The following TASP1 variants were observed in gnomAD, a reference collection of about 807,000 sequenced individuals.
TASP1 encodes taspase 1.
TASP1 carries 16 observed loss-of-function variants against 56.6 expected under a neutral mutation model. The ratio of observed to expected loss-of-function variants is 0.28; its 90% CI spans 0.19 to 0.43. The LOEUF is 0.43. TASP1 is among the 20% of genes least tolerant of loss of function. TASP1 has a pLI of 1.00. For missense variants in TASP1, 393 were observed against 511.6 expected (o/e 0.77, Z 2.24); for synonymous variants, 179 against 184.2 (o/e 0.97, Z 0.23).
At chr20:13,424,884 T>C (rs745604215) in intron 12 of TASP1, among the ~76,000 whole-genome samples, 1 of 152,150 alleles carries the variant, frequency 6.6e-6, no homozygotes, top group Non-Finnish European at 1.5e-5. Context: ...CACAGAGATT[T>C]GGCACAATTC....
chr20:13,230,365 T>A, the TASP1 span, among the ~76,000 whole-genome samples: 1 of 152,208 alleles, frequency 6.6e-6, no homozygotes, highest in Non-Finnish European at 1.5e-5. Context: ...CCTGTAGAAC[T>A]TGAAGATTAT....
chr20:13,364,810 G>A, the TASP1 span, among the ~76,000 whole-genome samples: 2 of 152,206 alleles, frequency 1.3e-5, no homozygotes, highest in Non-Finnish European at 2.9e-5. Context: ...CCCTTTCTAA[G>A]TAAGTGTATT....
chr20:13,594,130 G>A (rs990881693), intron 4 of TASP1, among the ~76,000 whole-genome samples: 1 of 152,170 alleles, frequency 6.6e-6, no homozygotes, highest in African/African-American at 2.4e-5. Context: ...CTGCAGCTGA[G>A]GGACATGACT....
intron 4 of TASP1, among the ~76,000 whole-genome samples, chr20:13,607,286 A>C (rs1367794317): frequency 6.6e-6 from 1 of 152,170 alleles, no homozygotes; most frequent in Non-Finnish European, 1.5e-5. Flanking sequence ...CGACATGGAA[A>C]CCCTTTCCTA....
chr20:13,284,459 G>A, the TASP1 span, among the ~76,000 whole-genome samples: 3 of 152,192 alleles, frequency 2.0e-5, no homozygotes, highest in Non-Finnish European at 4.4e-5. Context: ...TCCTGCCGTT[G>A]TCATTATCTT....
At chr20:13,126,527 T>C in the TASP1 span, 13 of 1,587,260 alleles carry the variant, frequency 8.2e-6, no homozygotes, top group Admixed American at 3.4e-5. Context: ...GGACTAGATG[T>C]AATTCCCACC....
chr20:13,365,943 G>A, the TASP1 span, among the ~76,000 whole-genome samples: 2 of 152,096 alleles, frequency 1.3e-5, no homozygotes, highest in Non-Finnish European at 2.9e-5. Flanking sequence ...GCAGTGGAGG[G>A]GATACTGAGG....
In TASP1 at chr20:13,536,083, TC is replaced by T. The variant is rs1377465231; in HGVS notation, c.676-1943del. Among the ~76,000 whole-genome samples, 54 of 152,284 alleles carry T rather than the reference TC, an allele frequency of 3.5e-4. 3 individuals carry two copies. The highest frequency in any genetic ancestry group is 1.3e-3 in the African/African-American group (53 of 41,560). On this transcript the variant is annotated intron_variant, in intron 8 of 13. Coordinates refer to ENST00000337743, the MANE Select transcript of TASP1 (RefSeq NM_017714.3). ...CAATCTTGGGTAGAGAAGTGTTAGT[TC>T]CCCAGATGCCAAGTTTGATGTCACC...
the TASP1 span, among the ~76,000 whole-genome samples, chr20:13,242,950 G>A: frequency 7.9e-5 from 12 of 152,102 alleles, no homozygotes; most frequent in South Asian, 6.2e-4. Context: ...TTATTTAACC[G>A]TCAAAACAAC....
chr20:13,171,415 A>T, the TASP1 span, among the ~76,000 whole-genome samples: 1 of 152,206 alleles, frequency 6.6e-6, no homozygotes, highest in Non-Finnish European at 1.5e-5. Flanking sequence ...CTCTAAAAAA[A>T]TTATCAAATA....
chr20:13,288,571 C>G, the TASP1 span: 1 of 1,613,992 alleles, frequency 6.2e-7, no homozygotes, highest in South Asian at 1.1e-5. Flanking sequence ...ACTGGAGTCT[C>G]TGGTCTGTCT....
chr20:13,263,639 G>A, the TASP1 span, among the ~76,000 whole-genome samples: 224 of 152,250 alleles, frequency 1.5e-3, no homozygotes, highest in Non-Finnish European at 2.6e-3. Flanking sequence ...ATCGATGCTC[G>A]GCACAGATAA....
the TASP1 span, among the ~76,000 whole-genome samples, chr20:13,196,364 G>T: frequency 1.3e-5 from 2 of 152,150 alleles, no homozygotes; most frequent in East Asian, 1.9e-4. Context: ...TGAACTGTTA[G>T]CTATATTTGT....
chr20:13,184,866 A>C, the TASP1 span, among the ~76,000 whole-genome samples: 1 of 152,116 alleles, frequency 6.6e-6, no homozygotes. Flanking sequence ...ACCTAAGCTG[A>C]CCCACAGACA....
At chr20:13,489,019 T>G (rs892622414) in intron 10 of TASP1, among the ~76,000 whole-genome samples, 4 of 152,162 alleles carry the variant, frequency 2.6e-5, no homozygotes, top group African/African-American at 9.7e-5. Flanking sequence ...ATAGCTATAC[T>G]GGGCTGCAAA....
chr20:13,221,211 GCCCTCCTACTCC>G, the TASP1 span, among the ~76,000 whole-genome samples: 1 of 118,636 alleles, frequency 8.4e-6, no homozygotes, highest in Non-Finnish European at 1.8e-5. Context: ...CGCAGCTGAA[GCCCTCCTACTCC>G]TCCTCCTCCT....
At chr20:13,222,459 A>G in the TASP1 span, among the ~76,000 whole-genome samples, 11 of 152,102 alleles carry the variant, frequency 7.2e-5, no homozygotes, top group South Asian at 2.1e-3. Context: ...CCTTGCTTCC[A>G]GTGTTCCTCT....
intron 13 of TASP1, chr20:13,393,335 C>A: frequency 2.6e-6 from 2 of 758,628 alleles, no homozygotes; most frequent in South Asian, 1.4e-5. Context: ...GCAAGGTCAT[C>A]CCCGAGCTGA....
At chr20:13,390,708 A>G (rs1442530948) in intron 13 of TASP1, among the ~76,000 whole-genome samples, 1 of 152,228 alleles carries the variant, frequency 6.6e-6, no homozygotes, top group Admixed American at 6.5e-5. Context: ...GAGGTGACCA[A>G]GTTAGCCAAG....
Sources: gnomAD v4.1 joint callset for allele counts (sites outside exome capture counted in the v4.1 genomes callset) on GRCh38, gnomAD v4.1.1 for gene constraint, MANE v1.5 for transcripts, NCBI Gene and HGNC (gene_info 2026-07-23, HGNC 2026-07-21) for gene names.